Variants in SDC2 observed in about 807,000 individuals in gnomAD.
SDC2 encodes syndecan-2.
A neutral mutation model predicts 22.2 loss-of-function variants in SDC2; 13 were observed. That is an observed-to-expected ratio of 0.59 (90% CI 0.38 to 0.93). SDC2 has a LOEUF of 0.93. Ranked by LOEUF, SDC2 falls within the 40% of genes least tolerant of loss-of-function variation. SDC2 has a pLI of 0.00. For missense variants in SDC2, 235 were observed against 246.8 expected (o/e 0.95, Z 0.32); for synonymous variants, 94 against 92.8 (o/e 1.01, Z -0.07).
intron 1 of SDC2, among the ~76,000 whole-genome samples, chr8:96,592,685 T>C (rs1814802308): frequency 6.6e-6 from 1 of 152,258 alleles, no homozygotes; most frequent in Non-Finnish European, 1.5e-5. Context: ...GTGGAACTGG[T>C]ATACTTAGTG....
chr8:96,606,636 A>G (rs1815084813), intron 3 of SDC2, among the ~76,000 whole-genome samples: 1 of 152,290 alleles, frequency 6.6e-6, no homozygotes, highest in South Asian at 2.1e-4. Context: ...AGTCAGACCA[A>G]TTGAAATGGA....
chr8:96,545,511 G>C (rs1023574812), intron 1 of SDC2, among the ~76,000 whole-genome samples: 3 of 152,214 alleles, frequency 2.0e-5, no homozygotes, highest in Non-Finnish European at 4.4e-5. Context: ...ATGGAGAGGA[G>C]ATGATTTCCT....
chr8:96,555,528 C>T (rs1814095246), intron 1 of SDC2, among the ~76,000 whole-genome samples: 1 of 152,076 alleles, frequency 6.6e-6, no homozygotes, highest in South Asian at 2.1e-4. Context: ...CTGGAAGCCG[C>T]CAGGTCAAAG....
chr8:96,598,542 C>G (rs547299816), intron 2 of SDC2, among the ~76,000 whole-genome samples: 1 of 152,088 alleles, frequency 6.6e-6, no homozygotes, highest in East Asian at 1.9e-4. Context: ...CGCTTGAACT[C>G]GGGAGGCGGA....
chr8:96,498,656 A>G (rs1333705067), intron 1 of SDC2, among the ~76,000 whole-genome samples: 1 of 151,958 alleles, frequency 6.6e-6, no homozygotes, highest in East Asian at 1.9e-4. Flanking sequence ...GCACCTGGCT[A>G]AATTTTGTAT....
chr8:96,533,582 T>C (rs557457920), intron 1 of SDC2, among the ~76,000 whole-genome samples: 4 of 152,214 alleles, frequency 2.6e-5, no homozygotes, highest in Non-Finnish European at 4.4e-5. Context: ...AGAGTGCTGA[T>C]TGGTGCATTC....
At chr8:96,606,725 A>G (rs1426677938) in intron 3 of SDC2, among the ~76,000 whole-genome samples, 1 of 152,202 alleles carries the variant, frequency 6.6e-6, no homozygotes, top group African/African-American at 2.4e-5. Flanking sequence ...GATTCACATA[A>G]GATGGCCAGT....
chr8:96,539,783 AT>A (rs1813815676), intron 1 of SDC2, among the ~76,000 whole-genome samples: 1 of 152,146 alleles, frequency 6.6e-6, no homozygotes, highest in Non-Finnish European at 1.5e-5. Context: ...CATTTCTGAT[AT>A]TTATAGTCTT....
At chr8:96,560,291 T>G (rs1221265372) in intron 1 of SDC2, among the ~76,000 whole-genome samples, 2 of 152,236 alleles carry the variant, frequency 1.3e-5, no homozygotes, top group African/African-American at 4.8e-5. Flanking sequence ...AGCTTGCTAG[T>G]ACTATGACCT....
At chr8:96,581,561 G>A (rs1814590353) in intron 1 of SDC2, among the ~76,000 whole-genome samples, 1 of 152,116 alleles carries the variant, frequency 6.6e-6, no homozygotes, top group African/African-American at 2.4e-5. Context: ...GAACCTGGGA[G>A]GCAGAGGTTG....
chr8:96,551,062 TG>T (rs1814017322), intron 1 of SDC2, among the ~76,000 whole-genome samples: 1 of 152,186 alleles, frequency 6.6e-6, no homozygotes, highest in African/African-American at 2.4e-5. Context: ...AAGTCCCCAC[TG>T]GCCAGCAGGG....
intron 1 of SDC2, among the ~76,000 whole-genome samples, chr8:96,591,031 G>C (rs1460207257): frequency 2.6e-5 from 4 of 152,224 alleles, no homozygotes; most frequent in Admixed American, 2.6e-4. Context: ...CAGACTGCCA[G>C]TGTGGTTGAA....
At chr8:96,504,484 G>T (rs1257427006) in intron 1 of SDC2, among the ~76,000 whole-genome samples, 1 of 152,182 alleles carries the variant, frequency 6.6e-6, no homozygotes, top group Non-Finnish European at 1.5e-5. Flanking sequence ...GCCATGAGAA[G>T]TCTCTTATCA....
intron 1 of SDC2, among the ~76,000 whole-genome samples, chr8:96,576,855 A>G (rs1376797552): frequency 6.6e-6 from 1 of 152,194 alleles, no homozygotes; most frequent in African/African-American, 2.4e-5. Context: ...CTCACCTAAG[A>G]AAGTTAATGG....
Position 96,530,030 on chromosome 8 carries a change from G to A in SDC2, c.60+35699G>A, listed in dbSNP as rs927636646. 1.4e-4 allele frequency among the ~76,000 whole-genome samples: 22 copies of A among 152,252 alleles called. No individual in the cohort carries two copies. In the South Asian group the frequency reaches 4.4e-3, roughly 30 times the overall value. ...TTAAACCAGATTTAGTGGCAGGGGC[G>A]GGGGGAAGTAGACTTTCTCTGCCCT... is the stretch of plus-strand genomic sequence containing the variant. On this transcript the variant is annotated intron_variant, in intron 1 of 4. Transcript: ENST00000302190.
At chr8:96,522,696 G>T (rs1424278123) in intron 1 of SDC2, among the ~76,000 whole-genome samples, 2 of 152,164 alleles carry the variant, frequency 1.3e-5, no homozygotes, top group Non-Finnish European at 2.9e-5. Context: ...AACTACTAAG[G>T]TAAGGGAAAT....
chr8:96,545,102 C>T (rs1264481391), intron 1 of SDC2, among the ~76,000 whole-genome samples: 1 of 152,190 alleles, frequency 6.6e-6, no homozygotes, highest in Non-Finnish European at 1.5e-5. Context: ...AGCTTTCCTC[C>T]TGTGGCTCTT....
chr8:96,534,782 G>A (rs73273566), intron 1 of SDC2, among the ~76,000 whole-genome samples: 3,348 of 151,840 alleles, frequency 0.022, 120 homozygotes, highest in African/African-American at 0.076. Flanking sequence ...ATCTCCCGCT[G>A]CCCTTCTCCC....
At chr8:96,565,084 A>ATTTTATTTTTTTTTTTTTTTTTT (rs1814274003) in intron 1 of SDC2, among the ~76,000 whole-genome samples, 1 of 67,800 alleles carries the variant, frequency 1.5e-5, no homozygotes, top group Non-Finnish European at 2.9e-5. Flanking sequence ...CCTAAATTTG[A>ATTTTATTTTTTTTTTTTTTTTTT]TTTTTTTTTT....
Sources: allele counts gnomAD v4.1 joint callset (sites outside exome capture counted in the v4.1 genomes callset), GRCh38; gene constraint gnomAD v4.1.1; transcripts MANE v1.5; gene names NCBI Gene and HGNC (gene_info 2026-07-23, HGNC 2026-07-21).